Variants in PTPN3 observed in about 807,000 individuals in gnomAD.
PTPN3 encodes tyrosine-protein phosphatase non-receptor type 3.
Under a neutral mutation model 132.7 loss-of-function variants are expected in PTPN3, and 96 were observed. The observed-to-expected ratio is 0.72, with a 90% confidence interval of 0.61 to 0.86. The LOEUF (loss-of-function observed/expected upper bound fraction) is 0.86. Among genes scored for constraint, PTPN3 ranks in the 40% least tolerant of loss-of-function variants. PTPN3 has a pLI of 0.00. For missense variants in PTPN3, 1,125 were observed against 1,159.6 expected, an observed-to-expected ratio of 0.97 and a Z score of 0.43; for synonymous variants, 398 against 429.0, an observed-to-expected ratio of 0.93 and a Z score of 0.89.
At chr9:109,451,353 A>G (rs910462250) in intron 5 of PTPN3, 20 of 975,800 alleles carry the variant, frequency 2.0e-5, no homozygotes, top group Non-Finnish European at 2.3e-5. Flanking sequence ...GGTCATAGTT[A>G]CATTCTACTC....
intron 1 of PTPN3, among the ~76,000 whole-genome samples, chr9:109,467,144 T>G (rs750439795): frequency 6.6e-6 from 1 of 152,194 alleles, no homozygotes; most frequent in Non-Finnish European, 1.5e-5. Flanking sequence ...AGGGATGCAT[T>G]TTCTGAGTAA....
At chr9:109,436,793 AAG>A (rs1564440101) in intron 9 of PTPN3, 88 bp downstream of exon 9, 8 of 1,510,434 alleles carry the variant, frequency 5.3e-6, no homozygotes, top group Non-Finnish European at 7.1e-6. Context: ...TATAATGAAA[AAG>A]AAATAGTTTC....
At chr9:109,464,769 C>T (rs1036707706) in intron 1 of PTPN3, among the ~76,000 whole-genome samples, 2 of 152,214 alleles carry the variant, frequency 1.3e-5, no homozygotes, top group African/African-American at 4.8e-5. Context: ...ACTACCATTA[C>T]ATGCAAAACG....
At chr9:109,458,724 T>C (rs1352125893) in intron 2 of PTPN3, among the ~76,000 whole-genome samples, 1 of 151,960 alleles carries the variant, frequency 6.6e-6, no homozygotes, top group African/African-American at 2.4e-5. Context: ...GCACCATCCA[T>C]CAGAAAAGAA....
the PTPN3 span, among the ~76,000 whole-genome samples, chr9:109,520,898 A>G: frequency 2.0e-5 from 3 of 151,296 alleles, no homozygotes; most frequent in Non-Finnish European, 4.4e-5. Flanking sequence ...ACTTGCACAC[A>G]CGCCCTCTAC....
In PTPN3 at chr9:109,408,194, T is replaced by C. The variant is rs74470266; in HGVS notation, c.1635+127A>G. 1,234 of 649,790 alleles carry C rather than the reference T, an allele frequency of 1.9e-3. 8 individuals are homozygous for C. The African/African-American group carries it at 0.021, about 11-fold the overall frequency. The allele number at this position is 649,790 out of a possible 1,614,324, so 40.3% of individuals were successfully genotyped here. ...CTGAGCCGCAAGGTTATAGAAAACA[T>C]GGTGATGTATATCTAAGCACATTCT... On this transcript the variant is annotated intron_variant, in intron 17 of 25. Transcript: ENST00000374541.
chr9:109,445,070 C>T (rs1844757750), intron 7 of PTPN3, among the ~76,000 whole-genome samples, 170 bp downstream of exon 7: 1 of 152,234 alleles, frequency 6.6e-6, no homozygotes, highest in African/African-American at 2.4e-5. Context: ...CCCCATGCTA[C>T]AGGAGAGTGC....
Position 109,418,553 on chromosome 9 carries a change from T to C in PTPN3, c.1313+1871A>G, listed in dbSNP as rs543479048. 1.5e-3 allele frequency among the ~76,000 whole-genome samples: 225 copies of C among 152,310 alleles called. 1 individual carries two copies. Among genetic ancestry groups the C allele is most frequent in the Non-Finnish European group, 3.4e-4 (23 of 68,034 alleles). ...GTGTGAAAAATGCACTTTTCGCTTG[T>C]AGATATTCTAGGGGTTCACCCTTTA... On this transcript the variant is annotated intron_variant, in intron 14 of 25. Coordinates refer to ENST00000374541, the MANE Select transcript of PTPN3 (RefSeq NM_002829.4).
chr9:109,483,711 C>A (rs1847072971), intron 1 of PTPN3, among the ~76,000 whole-genome samples: 2 of 152,162 alleles, frequency 1.3e-5, no homozygotes, highest in African/African-American at 2.4e-5. Flanking sequence ...CCATCATCAC[C>A]CACAATCTGA....
intron 9 of PTPN3, among the ~76,000 whole-genome samples, chr9:109,436,071 T>C (rs1844031760): frequency 6.6e-6 from 1 of 152,252 alleles, no homozygotes; most frequent in South Asian, 2.1e-4. Context: ...GTTTCTATGA[T>C]CACAAGGTGA....
At chr9:109,511,482 G>A in the PTPN3 span, 1 of 153,552 alleles carries the variant, frequency 6.5e-6, no homozygotes, top group Non-Finnish European at 1.5e-5. Context: ...GTGTGCCAAT[G>A]CCTATCAAAT....
intron 1 of PTPN3, among the ~76,000 whole-genome samples, chr9:109,489,997 C>G (rs1847382875): frequency 6.6e-6 from 1 of 151,900 alleles, no homozygotes; most frequent in African/African-American, 2.4e-5. Flanking sequence ...GCCTGGCCAA[C>G]ATGGCAAAAC....
chr9:109,381,506 A>G lies in PTPN3; in HGVS notation c.2664+146T>C, dbSNP rs978960569. On this transcript the variant is annotated intron_variant, in intron 25 of 25. Transcript: ENST00000374541. ...CAGAGGTGAGATGGGTGTGGGCTGT[A>G]GCCACTGACAAGCTCTGTGACCTTG... 2.7e-5 allele frequency: 32 copies of G among 1,183,724 alleles called. No individual in the cohort carries two copies. In the African/African-American group the frequency reaches 4.7e-4, roughly 17 times the overall value. 73.3% of individuals were successfully genotyped at this position (1,183,724 alleles called of 1,614,324 possible). A position where few individuals can be genotyped will look rare whatever the true frequency, so the allele number is the denominator to read the frequency against.
chr9:109,492,427 G>C lies in PTPN3; in HGVS notation c.-18+5792C>G, dbSNP rs563144843. Among the ~76,000 whole-genome samples the C allele has an allele frequency of 2.5e-4, 38 of 152,322 alleles. No homozygotes were observed. In the East Asian group the frequency reaches 7.3e-3, roughly 29 times the overall value. On this transcript the variant is annotated intron_variant, in intron 1 of 25. Coordinates refer to ENST00000374541, the MANE Select transcript of PTPN3 (RefSeq NM_002829.4). ...GGGACCTGTGGTCCTGGCTGAGGAGGGACCTTCACTCACCCACAGCGACTC... is the reference window on the plus strand; with the variant it reads ...GGGACCTGTGGTCCTGGCTGAGGAGCGACCTTCACTCACCCACAGCGACTC...
In PTPN3 at chr9:109,412,199, AC is replaced by A. The variant is rs963715738; in HGVS notation, c.1314-1785del. Among the ~76,000 whole-genome samples the A allele has an allele frequency of 4.0e-5, 6 of 148,748 alleles. No individual in the cohort carries two copies. The East Asian group carries it at 7.9e-4, about 19-fold the overall frequency. On this transcript the variant is annotated intron_variant, in intron 14 of 25. Coordinates refer to ENST00000374541, the MANE Select transcript of PTPN3 (RefSeq NM_002829.4). ...TGTCTCCCTCTCTCTCCCTCCCTGC[AC>A]CCCCCCAATCCATTTTTTTTTCTTT...
rs1186760300 is a variant in PTPN3, at chr9:109,436,791, AAAAG to A, written c.675+88_675+91del. 4 of 1,510,116 alleles carry A rather than the reference AAAAG, an allele frequency of 2.6e-6. No individual in the cohort carries two copies. In the African/African-American group the frequency reaches 4.2e-5, roughly 16 times the overall value. The allele number at this position is 1,510,116 out of a possible 1,614,324, so 93.5% of individuals were successfully genotyped here. ...CTTTTAAAAAGTCCTGTTATAATGAAAAAGAAATAGTTTCATCAAAGAATTTTTC... is the reference window on the plus strand; with the variant it reads ...CTTTTAAAAAGTCCTGTTATAATGAAAAATAGTTTCATCAAAGAATTTTTC... On this transcript the variant is annotated intron_variant, in intron 9 of 25. Coordinates refer to ENST00000374541, the MANE Select transcript of PTPN3 (RefSeq NM_002829.4).
chr9:109,411,421 A>C (rs191182606), intron 14 of PTPN3, among the ~76,000 whole-genome samples: 243 of 152,230 alleles, frequency 1.6e-3, no homozygotes, highest in African/African-American at 5.7e-3. Context: ...CCTCAGAGTC[A>C]CAGGGATTAA....
chr9:109,411,004 T>C lies in PTPN3; in HGVS notation c.1314-589A>G, dbSNP rs1842037266. 2.6e-5 allele frequency among the ~76,000 whole-genome samples: 4 copies of C among 152,220 alleles called. No homozygotes were observed. The South Asian group carries it at 8.3e-4, about 32-fold the overall frequency. ...TATAGTTTCTTCTGTATCGTGGAGCTGCACTGTCTAGTATGGTAGCCACTA... is the reference window on the plus strand; with the variant it reads ...TATAGTTTCTTCTGTATCGTGGAGCCGCACTGTCTAGTATGGTAGCCACTA... On this transcript the variant is annotated intron_variant, in intron 14 of 25. Coordinates refer to ENST00000374541, the MANE Select transcript of PTPN3 (RefSeq NM_002829.4).
chr9:109,479,408 CTGT>C, intron 1 of PTPN3, among the ~76,000 whole-genome samples: 1 of 152,232 alleles, frequency 6.6e-6, no homozygotes, highest in Non-Finnish European at 1.5e-5. Flanking sequence ...ATCAATTCAT[CTGT>C]CATTGGACAT....
Sources: allele counts gnomAD v4.1 joint callset (sites outside exome capture counted in the v4.1 genomes callset), GRCh38; gene constraint gnomAD v4.1.1; transcripts MANE v1.5; gene names NCBI Gene and HGNC (gene_info 2026-07-23, HGNC 2026-07-21).